Variants in HDAC9 observed in about 807,000 individuals in gnomAD.
HDAC9 encodes the protein histone deacetylase 9.
A neutral mutation model predicts 139.4 loss-of-function variants in HDAC9; 41 were observed. That is an observed-to-expected ratio of 0.29 (90% CI 0.23 to 0.38). The LOEUF (loss-of-function observed/expected upper bound fraction) is 0.38. Among genes scored for constraint, HDAC9 ranks in the 10% least tolerant of loss-of-function variants. The probability of loss-of-function intolerance (pLI) is 1.00; values close to 1 mark genes in which losing one functional copy is unlikely to be tolerated. For synonymous variants in HDAC9, 517 were observed against 476.2 expected, an observed-to-expected ratio of 1.09 and a Z score of -1.12; for missense variants, 1,147 against 1,297.0, an observed-to-expected ratio of 0.88 and a Z score of 1.78.
Position 18,781,057 on chromosome 7 carries a change from T to A in HDAC9, c.2215-12288T>A, listed in dbSNP as rs965314065. 7.2e-5 allele frequency among the ~76,000 whole-genome samples: 11 copies of A among 152,114 alleles called. No individual in the cohort carries two copies. The South Asian group carries it at 1.7e-3, about 23-fold the overall frequency. On this transcript the variant is annotated intron_variant, in intron 16 of 25. Coordinates refer to ENST00000686413, the MANE Select transcript of HDAC9 (RefSeq NM_178425.4). ...TTTCTCCTAAGGCTTCTCTCCTGGGTCCTTGGATGACCTTCTTCTCATTGT... is the reference window on the plus strand; with the variant it reads ...TTTCTCCTAAGGCTTCTCTCCTGGGACCTTGGATGACCTTCTTCTCATTGT...
chr7:18,393,156 T>C (rs1484077054), intron 1 of HDAC9, among the ~76,000 whole-genome samples: 1 of 151,442 alleles, frequency 6.6e-6, no homozygotes, highest in South Asian at 2.1e-4. Context: ...ATAAATTGGC[T>C]CAAGATGAAA....
chr7:18,922,509 T>G (rs924062962), intron 22 of HDAC9, among the ~76,000 whole-genome samples: 1 of 152,012 alleles, frequency 6.6e-6, no homozygotes, highest in African/African-American at 2.4e-5. Context: ...CAAACCTCAG[T>G]AGAGGAACTT....
At chr7:18,342,774 T>C (rs1774663586) in intron 1 of HDAC9, among the ~76,000 whole-genome samples, 1 of 151,882 alleles carries the variant, frequency 6.6e-6, no homozygotes, top group Non-Finnish European at 1.5e-5. Flanking sequence ...GAAACAGTCT[T>C]TCATTTGTAA....
chr7:18,547,872 C>CCTCCCTCCCTCT (rs2128645697), intron 2 of HDAC9, among the ~76,000 whole-genome samples: 1 of 137,204 alleles, frequency 7.3e-6, no homozygotes, highest in African/African-American at 2.7e-5. Flanking sequence ...TCCCTCCCTC[C>CCTCCCTCCCTCT]CTCCCTCCCT....
intron 17 of HDAC9, among the ~76,000 whole-genome samples, chr7:18,827,074 G>A (rs568976839): frequency 3.3e-4 from 50 of 151,160 alleles, no homozygotes; most frequent in African/African-American, 1.0e-3. Context: ...GCAACATAGC[G>A]AGACCTCGTC....
intron 2 of HDAC9, among the ~76,000 whole-genome samples, chr7:18,257,294 G>A (rs1376121823): frequency 4.1e-5 from 5 of 121,866 alleles, no homozygotes; most frequent in Non-Finnish European, 7.6e-5. Context: ...CTCAGGAGGT[G>A]GAGGTCGCAA....
intron 2 of HDAC9, among the ~76,000 whole-genome samples, chr7:18,237,590 G>A (rs994503356): frequency 6.6e-6 from 1 of 152,092 alleles, no homozygotes; most frequent in Non-Finnish European, 1.5e-5. Context: ...GGCACACTAG[G>A]GAGTTAATGG....
At chr7:18,668,519 T>C in intron 12 of HDAC9, 2 of 979,792 alleles carry the variant, frequency 2.0e-6, no homozygotes, top group Non-Finnish European at 2.4e-6. Context: ...TTCAAAGATA[T>C]GTAATCACAA....
At chr7:18,451,217 G>T (rs1424228816) in intron 1 of HDAC9, among the ~76,000 whole-genome samples, 2 of 152,054 alleles carry the variant, frequency 1.3e-5, no homozygotes, top group Non-Finnish European at 2.9e-5. Context: ...TGAGGAATGG[G>T]CCCTCACCAG....
intron 2 of HDAC9, among the ~76,000 whole-genome samples, chr7:18,261,555 G>A (rs1795680344): frequency 6.6e-6 from 1 of 152,134 alleles, no homozygotes; most frequent in East Asian, 1.9e-4. Flanking sequence ...AATGGGAAGG[G>A]TTCTTATCTT....
Position 18,690,907 on chromosome 7 carries a change from A to G in HDAC9, c.1731+24431A>G, listed in dbSNP as rs112981514. Among the ~76,000 whole-genome samples the G allele has an allele frequency of 6.6e-3, 1,010 of 152,136 alleles. 7 individuals carry two copies. Among genetic ancestry groups the G allele is most frequent in the Non-Finnish European group, 8.6e-3 (585 of 67,972 alleles). On this transcript the variant is annotated intron_variant, in intron 12 of 25. Transcript: ENST00000686413. ...CCTCTCCTCACTCAGAAACAAAAGC[A>G]TATTTCTGTTTGATCATATACCTTG...
chr7:18,391,363 C>T (rs1041686813), intron 1 of HDAC9, among the ~76,000 whole-genome samples: 6 of 150,918 alleles, frequency 4.0e-5, no homozygotes, highest in South Asian at 2.1e-4. Context: ...CCAGCCTGAG[C>T]GATGGAGCGA....
intron 6 of HDAC9, among the ~76,000 whole-genome samples, chr7:18,624,456 G>A (rs1423528719): frequency 1.3e-5 from 2 of 152,140 alleles, no homozygotes; most frequent in African/African-American, 4.8e-5. Flanking sequence ...ATTCAGATGA[G>A]CACACACACT....
At chr7:18,272,830 G>T (rs1262462776) in intron 2 of HDAC9, among the ~76,000 whole-genome samples, 3 of 151,916 alleles carry the variant, frequency 2.0e-5, no homozygotes, top group Non-Finnish European at 2.9e-5. Context: ...TTATCTGGAA[G>T]AGTAAAGGTC....
chr7:18,280,931 A>G (rs1473073676), intron 2 of HDAC9, among the ~76,000 whole-genome samples: 1 of 152,178 alleles, frequency 6.6e-6, no homozygotes, highest in Non-Finnish European at 1.5e-5. Context: ...TTGTTCGCTT[A>G]ATGTTATCTT....
At chr7:18,711,700 T>A (rs950930318) in intron 12 of HDAC9, among the ~76,000 whole-genome samples, 1 of 152,178 alleles carries the variant, frequency 6.6e-6, no homozygotes, top group Non-Finnish European at 1.5e-5. Context: ...CCTCAATGAC[T>A]TTTTTGTCAC....
At chr7:18,959,472 T>C (rs971305096) in intron 24 of HDAC9, among the ~76,000 whole-genome samples, 5 of 152,164 alleles carry the variant, frequency 3.3e-5, no homozygotes. Flanking sequence ...AGGAAACATA[T>C]ACATGCACAA....
intron 12 of HDAC9, among the ~76,000 whole-genome samples, chr7:18,725,829 C>G (rs148704466): frequency 6.6e-6 from 1 of 152,118 alleles, no homozygotes; most frequent in Non-Finnish European, 1.5e-5. Context: ...ACACTGAACA[C>G]AAGACACTCA....
chr7:18,104,244 TA>T (rs1783050541), intron 1 of HDAC9, among the ~76,000 whole-genome samples: 1 of 118,968 alleles, frequency 8.4e-6, no homozygotes, highest in Non-Finnish European at 2.1e-5. Context: ...CCCATAATTG[TA>T]TTTTTTTTTT....
Sources: gnomAD v4.1 joint callset for allele counts (sites outside exome capture counted in the v4.1 genomes callset) on GRCh38, gnomAD v4.1.1 for gene constraint, MANE v1.5 for transcripts, NCBI Gene and HGNC (gene_info 2026-07-23, HGNC 2026-07-21) for gene names.